Variants in SLC25A24 observed in about 807,000 individuals in gnomAD.
SLC25A24 encodes mitochondrial adenyl nucleotide antiporter SLC25A24.
SLC25A24 carries 49 observed loss-of-function variants against 60.7 expected under a neutral mutation model. The ratio of observed to expected loss-of-function variants is 0.81; its 90% CI spans 0.64 to 1.02. The LOEUF (loss-of-function observed/expected upper bound fraction) is 1.02. SLC25A24 is among the 50% of genes least tolerant of loss of function. The pLI, the probability that SLC25A24 is intolerant of heterozygous loss-of-function variation, is 0.00. For synonymous variants in SLC25A24, 202 were observed against 200.6 expected (o/e 1.01, Z -0.06); for missense variants, 564 against 586.3 (o/e 0.96, Z 0.39).
At chr1:108,160,194 C>G (rs1249379616) in intron 4 of SLC25A24, among the ~76,000 whole-genome samples, 1 of 151,274 alleles carries the variant, frequency 6.6e-6, no homozygotes, top group Non-Finnish European at 1.5e-5. Flanking sequence ...CTCCTCACTT[C>G]TCAGACGGGG....
intron 7 of SLC25A24, among the ~76,000 whole-genome samples, chr1:108,146,544 C>T (rs749482718): frequency 1.4e-4 from 22 of 152,158 alleles, no homozygotes; most frequent in Non-Finnish European, 2.6e-4. Context: ...ATGATATTGG[C>T]TGTGGGTTTG....
At position 108,200,123 on chromosome 1, in the gene SLC25A24, G is replaced by C; in HGVS notation, c.16C>G (p.Arg6Gly). ...GCCGCGGTGGGCAGCACGAAGTCCCGCAGCCAGCGCAACATGGTCCCAGAG... is the reference window on the plus strand; with the variant it reads ...GCCGCGGTGGGCAGCACGAAGTCCCCCAGCCAGCGCAACATGGTCCCAGAG... Reference protein sequence around the residue: MLRWLRDFVLPTAACQ... With the variant: MLRWLGDFVLPTAACQ... Residue 6 changes from arginine (R) to glycine (G), a missense_variant, in exon 1 of 10, where the codon CGG becomes GGG. Transcript: ENST00000565488. 1 of 1,556,178 alleles carries C rather than the reference G, an allele frequency of 6.4e-7. No individual in the cohort carries two copies. The highest frequency in any genetic ancestry group is 8.7e-7 in the Non-Finnish European group (1 of 1,151,946).
intron 6 of SLC25A24, among the ~76,000 whole-genome samples, chr1:108,154,309 C>A (rs1679830610): frequency 6.6e-6 from 1 of 152,086 alleles, no homozygotes; most frequent in Non-Finnish European, 1.5e-5. Context: ...GGCTGCTCAA[C>A]TAGACAGTTC....
At chr1:108,187,663 A>ATAGACCATATATATGACAGTGATTTAGT (rs1648179208) in intron 1 of SLC25A24, among the ~76,000 whole-genome samples, 1 of 152,018 alleles carries the variant, frequency 6.6e-6, no homozygotes, top group African/African-American at 2.4e-5. Context: ...TTCCATGAAG[A>ATAGACCATATATATGACAGTGATTTAGT]AAAATCGAGG....
intron 9 of SLC25A24, among the ~76,000 whole-genome samples, chr1:108,137,395 A>T (rs2101593320): frequency 6.6e-6 from 1 of 152,332 alleles, no homozygotes; most frequent in Non-Finnish European, 1.5e-5. Context: ...CTCAACAAGC[A>T]GGAAGAGAAA....
chr1:108,173,526 T>C (rs994817558), intron 3 of SLC25A24, among the ~76,000 whole-genome samples: 3 of 152,224 alleles, frequency 2.0e-5, no homozygotes, highest in Non-Finnish European at 4.4e-5. Flanking sequence ...TGGTTCTTTA[T>C]AGCAGCGTGA....
chr1:108,152,489 C>T (rs1457959936), intron 6 of SLC25A24, among the ~76,000 whole-genome samples: 2 of 152,268 alleles, frequency 1.3e-5, no homozygotes, highest in South Asian at 4.1e-4. Flanking sequence ...ACCTCAGCAT[C>T]CTGAGTACAG....
At chr1:108,195,620 T>C (rs1457853188) in intron 1 of SLC25A24, among the ~76,000 whole-genome samples, 3 of 152,232 alleles carry the variant, frequency 2.0e-5, no homozygotes, top group Non-Finnish European at 2.9e-5. Flanking sequence ...CTTTCTGTTG[T>C]GATGCCCTAA....
chr1:108,179,186 G>A (rs1278543164), intron 3 of SLC25A24, among the ~76,000 whole-genome samples: 1 of 148,420 alleles, frequency 6.7e-6, no homozygotes, highest in Non-Finnish European at 1.5e-5. Context: ...GCCACAATGA[G>A]ATATCACCTC....
At position 108,136,460 on chromosome 1, in the gene SLC25A24, A is replaced by C. The variant is rs538422257; in HGVS notation, c.*193T>G. On this transcript the variant is annotated 3_prime_UTR_variant, in exon 10 of 10. Coordinates refer to ENST00000565488, the MANE Select transcript of SLC25A24 (RefSeq NM_013386.5). Reference sequence around the variant, plus strand: ...TGTGTGGCCTTTTCAAAACACATTAAAACTATGATTTTGAACATTTCTGTG... The same window carrying C: ...TGTGTGGCCTTTTCAAAACACATTACAACTATGATTTTGAACATTTCTGTG... 1 of 540,108 alleles carries C rather than the reference A, an allele frequency of 1.9e-6. No individual in the cohort carries two copies. The highest frequency in any genetic ancestry group is 3.0e-5 in the East Asian group (1 of 33,334). 33.5% of individuals were successfully genotyped at this position (540,108 alleles called of 1,614,324 possible).
intron 5 of SLC25A24, among the ~76,000 whole-genome samples, chr1:108,156,707 T>C (rs1679909754): frequency 6.6e-6 from 1 of 152,216 alleles, no homozygotes; most frequent in African/African-American, 2.4e-5. Flanking sequence ...ATACCTGATA[T>C]TGCTTGATTC....
At chr1:108,199,593 A>C (rs1247698169) in intron 1 of SLC25A24, 1 of 387,222 alleles carries the variant, frequency 2.6e-6, no homozygotes, top group Non-Finnish European at 4.6e-6. Context: ...GGACCCACTG[A>C]AGTCTGACAG....
chr1:108,180,331 C>T (rs1770581), intron 3 of SLC25A24, among the ~76,000 whole-genome samples: 30,143 of 151,158 alleles, frequency 0.2, 3,095 homozygotes, highest in Admixed American at 0.22. Flanking sequence ...CACCATTGCA[C>T]TCCAGCCTGG....
chr1:108,167,524 G>A (rs1002690568), intron 3 of SLC25A24, among the ~76,000 whole-genome samples: 6 of 152,222 alleles, frequency 3.9e-5, no homozygotes, highest in African/African-American at 1.2e-4. Flanking sequence ...TCAGAAAAGC[G>A]CAGTATTCAG....
Position 108,199,959 on chromosome 1 carries a change from C to T in SLC25A24, c.180G>A (p.Glu60=), listed in dbSNP as rs775212446. 1 of 1,604,142 alleles carries T rather than the reference C, an allele frequency of 6.2e-7. No homozygotes were observed. The highest frequency in any genetic ancestry group is 8.5e-7 in the Non-Finnish European group (1 of 1,176,088). Residue 60 remains glutamate, a synonymous_variant, in exon 1 of 10, where the codon GAG becomes GAA. Transcript: ENST00000565488. ...NLGIPLGQDA[E]EKIFTTGDVN... ...CGGCGCCCCGGCGGCGACCCACCTC[C>T]TCGGCGTCCTGGCCCAGAGGGATGC...
chr1:108,166,971 T>C (rs1680273789), intron 3 of SLC25A24, among the ~76,000 whole-genome samples: 2 of 151,378 alleles, frequency 1.3e-5, no homozygotes, highest in South Asian at 4.2e-4. Context: ...GGGTTTTTGG[T>C]GTGGATGTCC....
At chr1:108,159,606 C>G (rs866474615) in intron 4 of SLC25A24, among the ~76,000 whole-genome samples, 1 of 151,364 alleles carries the variant, frequency 6.6e-6, no homozygotes, top group African/African-American at 2.4e-5. Context: ...GGCAGAGGAC[C>G]CTGCGGCCTT....
chr1:108,159,461 G>GTT (rs1241906842), intron 4 of SLC25A24, among the ~76,000 whole-genome samples: 2 of 103,916 alleles, frequency 1.9e-5, no homozygotes, highest in Admixed American at 9.7e-5. Context: ...GCAGTCTTGG[G>GTT]TTGTTTTTTT....
At chr1:108,167,945 T>C (rs1647269283) in intron 3 of SLC25A24, among the ~76,000 whole-genome samples, 1 of 152,244 alleles carries the variant, frequency 6.6e-6, no homozygotes, top group Admixed American at 6.5e-5. Context: ...TGTTTTCTCC[T>C]AAGAGAAACT....
Sources: allele counts gnomAD v4.1 joint callset (sites outside exome capture counted in the v4.1 genomes callset), GRCh38; gene constraint gnomAD v4.1.1; transcripts MANE v1.5; gene names NCBI Gene and HGNC (gene_info 2026-07-23, HGNC 2026-07-21).